Variants in ASAP2 observed in about 807,000 individuals in gnomAD.
The protein encoded by ASAP2 is ArfGAP with SH3 domain, ankyrin repeat and PH domain 2.
Under a neutral mutation model 131.4 loss-of-function variants are expected in ASAP2, and 45 were observed. The observed-to-expected ratio is 0.34, with a 90% CI of 0.27 to 0.44. The LOEUF (loss-of-function observed/expected upper bound fraction) is 0.44. ASAP2 is among the 20% of genes least tolerant of loss of function. The pLI, the probability that ASAP2 is intolerant of heterozygous loss-of-function variation, is 1.00. For synonymous variants in ASAP2, 510 were observed against 503.0 expected (o/e 1.01, Z -0.19); for missense variants, 1,011 against 1,297.0 (o/e 0.78, Z 3.39).
At chr2:9,308,004 C>G (rs1669059718) in intron 3 of ASAP2, among the ~76,000 whole-genome samples, 1 of 152,154 alleles carries the variant, frequency 6.6e-6, no homozygotes, top group African/African-American at 2.4e-5. Context: ...GACCTCAAGG[C>G]AATTCTGTGG....
Position 9,207,348 on chromosome 2 carries a change from G to GCCAACCCTGC in ASAP2, c.126+121_126+130dup. 3.0e-6 allele frequency: 4 copies of GCCAACCCTGC among 1,343,596 alleles called. No homozygotes were observed. The highest frequency in any genetic ancestry group is 2.9e-6 in the Non-Finnish European group (3 of 1,028,016). The allele number at this position is 1,343,596 out of a possible 1,614,324, so 83.2% of individuals were successfully genotyped here. A position where few individuals can be genotyped will look rare whatever the true frequency, so the allele number is the denominator to read the frequency against. Reference sequence around the variant, plus strand: ...TTGCTCCGAAGCCGGACGCGGCCGGGCCAACCCTGCCCGAGACAGAAGCCC... The same window carrying GCCAACCCTGC: ...TTGCTCCGAAGCCGGACGCGGCCGGGCCAACCCTGCCCAACCCTGCCCGAGACAGAAGCCC... On this transcript the variant is annotated intron_variant, in intron 1 of 27. Coordinates refer to ENST00000281419, the MANE Select transcript of ASAP2 (RefSeq NM_003887.3). The surrounding 1 kb of genome is among the most constrained non-coding windows in gnomAD (Gnocchi z 4.1).
At chr2:9,310,439 A>G (rs1669225347) in intron 3 of ASAP2, among the ~76,000 whole-genome samples, 1 of 152,088 alleles carries the variant, frequency 6.6e-6, no homozygotes, top group Non-Finnish European at 1.5e-5. Flanking sequence ...AAGACCTGTT[A>G]TTTTCTAGAC....
At chr2:9,317,369 A>G (rs1669797841) in intron 3 of ASAP2, among the ~76,000 whole-genome samples, 1 of 137,916 alleles carries the variant, frequency 7.3e-6, no homozygotes, top group African/African-American at 2.7e-5. Flanking sequence ...ATTCACATTC[A>G]CCCCCAACTC....
At position 9,311,357 on chromosome 2, in the gene ASAP2, C is replaced by CAA. The variant is rs35796016; in HGVS notation, c.346-7157_346-7156dup. Among the ~76,000 whole-genome samples the CAA allele has an allele frequency of 7.2e-6, 1 of 138,678 alleles. No homozygotes were observed. Among genetic ancestry groups the CAA allele is most frequent in the Non-Finnish European group, 1.6e-5 (1 of 63,418 alleles). The allele number at this position is 138,678 out of a possible 152,430, so 91.0% of individuals were successfully genotyped here. ...CCATCCTGGGTGAGAGGCACTCTCT[C>CAA]AAAAAAAAAAAGAAAAAAAAAGTTT... On this transcript the variant is annotated intron_variant, in intron 3 of 27. Transcript: ENST00000281419. The surrounding 1 kb of genome is among the most constrained non-coding windows in gnomAD (Gnocchi z 5.2).
chr2:9,376,076 A>G (rs1674376745), intron 17 of ASAP2, among the ~76,000 whole-genome samples: 1 of 152,250 alleles, frequency 6.6e-6, no homozygotes, highest in South Asian at 2.1e-4. Context: ...CTGGCTGCCT[A>G]TCAGCAAGGA....
intron 20 of ASAP2, among the ~76,000 whole-genome samples, chr2:9,381,297 C>T (rs751161261): frequency 2.6e-5 from 4 of 152,232 alleles, no homozygotes; most frequent in Non-Finnish European, 5.9e-5. Flanking sequence ...CTGGCCTTGC[C>T]GGGGGCTCCC....
At chr2:9,286,447 A>AAATATATATAT (rs58605449) in intron 2 of ASAP2, among the ~76,000 whole-genome samples, 11 of 148,420 alleles carry the variant, frequency 7.4e-5, no homozygotes, top group African/African-American at 2.5e-4. Flanking sequence ...GAAAAAAAAA[A>AAATATATATAT]ATATATATAT....
chr2:9,297,611 TA>T (rs1668226595), intron 3 of ASAP2, among the ~76,000 whole-genome samples, 166 bp downstream of exon 3: 1 of 152,244 alleles, frequency 6.6e-6, no homozygotes, highest in Non-Finnish European at 1.5e-5. Flanking sequence ...GAATAAAGTT[TA>T]AAATTGTAAT....
chr2:9,349,023 T>A (rs1044034252), intron 11 of ASAP2, among the ~76,000 whole-genome samples: 1 of 152,146 alleles, frequency 6.6e-6, no homozygotes, highest in African/African-American at 2.4e-5. Flanking sequence ...ACCAGATTAT[T>A]TGGTCTGTCC....
chr2:9,360,643 T>C (rs1258781186), intron 15 of ASAP2, among the ~76,000 whole-genome samples: 3 of 152,188 alleles, frequency 2.0e-5, no homozygotes, highest in East Asian at 3.8e-4. Flanking sequence ...CCTAAGTGAA[T>C]TACTCAATGT....
intron 23 of ASAP2, among the ~76,000 whole-genome samples, 193 bp from the exon 24 acceptor site, chr2:9,393,289 T>A (rs911128647): frequency 6.6e-6 from 1 of 152,218 alleles, no homozygotes; most frequent in Non-Finnish European, 1.5e-5. Flanking sequence ...AGCTTCCTTA[T>A]TAGTTTGGAA....
chr2:9,393,397 C>A, intron 23 of ASAP2, 85 bp from the exon 24 acceptor site: 1 of 1,209,510 alleles, frequency 8.3e-7, no homozygotes, highest in Middle Eastern at 2.1e-4. Flanking sequence ...AAACTGAAGC[C>A]CTTCTCAGAA....
At position 9,387,407 on chromosome 2, in the gene ASAP2, A is replaced by G. The variant is rs986298864; in HGVS notation, c.2131-887A>G. ...AATGACAGGACATGGCTATGTTCCA[A>G]TAAAACTTTACTGACAAAAAACAGG... On this transcript the variant is annotated intron_variant, in intron 21 of 27. Coordinates refer to ENST00000281419, the MANE Select transcript of ASAP2 (RefSeq NM_003887.3). 1.7e-4 allele frequency among the ~76,000 whole-genome samples: 26 copies of G among 152,300 alleles called. No individual in the cohort carries two copies. In the East Asian group the frequency reaches 3.7e-3, roughly 21 times the overall value.
At position 9,268,693 on chromosome 2, in the gene ASAP2, T is replaced by TG. The variant is rs1369935478; in HGVS notation, c.127-10621dup. 1.3e-5 allele frequency among the ~76,000 whole-genome samples: 2 copies of TG among 152,228 alleles called. No homozygotes were observed. The highest frequency in any genetic ancestry group is 2.9e-5 in the Non-Finnish European group (2 of 68,032). On this transcript the variant is annotated intron_variant, in intron 1 of 27. Coordinates refer to ENST00000281419, the MANE Select transcript of ASAP2 (RefSeq NM_003887.3). This position sits in a 1 kb window ranked among gnomAD's most constrained non-coding sequence, Gnocchi z 4.1. ...CAAAGCCACCCTGGGGGCACGGACCTGGGTGTGTTTTGTTTTTTGTTTTGT... is the reference window on the plus strand; with the variant it reads ...CAAAGCCACCCTGGGGGCACGGACCTGGGGTGTGTTTTGTTTTTTGTTTTGT...
At chr2:9,320,232 A>T in intron 4 of ASAP2, 56 bp from the exon 5 acceptor site, 1 of 1,450,816 alleles carries the variant, frequency 6.9e-7, no homozygotes, top group Non-Finnish European at 9.7e-7. Flanking sequence ...AAGTAAGTTT[A>T]TCTTGCACAG....
intron 3 of ASAP2, among the ~76,000 whole-genome samples, chr2:9,315,721 C>A (rs1669626513): frequency 6.6e-6 from 1 of 152,166 alleles, no homozygotes; most frequent in Admixed American, 6.5e-5. Context: ...TCAGCACGGC[C>A]TTCTGTTTGT....
Position 9,207,683 on chromosome 2 carries a change from C to G in ASAP2, c.126+453C>G, listed in dbSNP as rs1291425154. Among the ~76,000 whole-genome samples, 1 of 152,088 alleles carries G rather than the reference C, an allele frequency of 6.6e-6. No individual in the cohort carries two copies. The highest frequency in any genetic ancestry group is 2.4e-5 in the African/African-American group (1 of 41,444). On this transcript the variant is annotated intron_variant, in intron 1 of 27. Transcript: ENST00000281419. This position sits in a 1 kb window ranked among gnomAD's most constrained non-coding sequence, Gnocchi z 4.1. ...GCAGCCCCCGAGCGCCGCAGGGCCCCCACCCTCGGGTCCGCGGGTCCGGGG... is the reference window on the plus strand; with the variant it reads ...GCAGCCCCCGAGCGCCGCAGGGCCCGCACCCTCGGGTCCGCGGGTCCGGGG...
At chr2:9,256,687 C>T (rs909073190) in intron 1 of ASAP2, among the ~76,000 whole-genome samples, 1 of 152,244 alleles carries the variant, frequency 6.6e-6, no homozygotes, top group Non-Finnish European at 1.5e-5. Context: ...TGGCATCCAA[C>T]TGCCAATTTC....
At chr2:9,320,146 G>C in intron 4 of ASAP2, 142 bp from the exon 5 acceptor site, 1 of 670,860 alleles carries the variant, frequency 1.5e-6, no homozygotes, top group Non-Finnish European at 2.6e-6. Flanking sequence ...TGTACTCTTG[G>C]TTCTTTATTT....
Sources: gnomAD v4.1 joint callset for allele counts (sites outside exome capture counted in the v4.1 genomes callset) on GRCh38, gnomAD v4.1.1 for gene constraint, Gnocchi (gnomAD v3.1) non-coding constraint, MANE v1.5 for transcripts, NCBI Gene and HGNC (gene_info 2026-07-23, HGNC 2026-07-21) for gene names.